The following PTBP1 variants were observed in gnomAD, a reference collection of about 807,000 sequenced individuals.
PTBP1 encodes the protein polypyrimidine tract binding protein 1.
A neutral mutation model predicts 59.8 loss-of-function variants in PTBP1; 8 were observed. That is an observed-to-expected ratio of 0.13 (90% confidence interval 0.08 to 0.24). The LOEUF is 0.24. Ranked by LOEUF, PTBP1 falls within the 10% of genes least tolerant of loss-of-function variation. The pLI is 1.00. For missense variants in PTBP1, 686 were observed against 767.0 expected (o/e 0.89, Z 1.25); for synonymous variants, 490 against 320.7 (o/e 1.53, Z -5.64).
chr19:807,985 G>T (rs115525161), intron 11 of PTBP1, 83 bp downstream of exon 11: 10 of 1,303,774 alleles, frequency 7.7e-6, no homozygotes, highest in Middle Eastern at 1.8e-4. Context: ...ATGAGTTTGC[G>T]GTTTGGCACT....
Position 811,844 on chromosome 19 carries a change from T to A in PTBP1, c.*1018T>A, listed in dbSNP as rs959911207. 1 of 152,446 alleles carries A rather than the reference T, an allele frequency of 6.6e-6. No individual in the cohort carries two copies. Among genetic ancestry groups the A allele is most frequent in the South Asian group, 2.1e-4 (1 of 4,828 alleles). The allele number at this position is 152,446 out of a possible 1,614,324, so 9.4% of individuals were successfully genotyped here. ...GCTCTCAAACTTCAGGGTTTTTTCT[T>A]CCTTCAAATTTTGGACCAAAGTCTC... On this transcript the variant is annotated 3_prime_UTR_variant, in exon 15 of 15. Transcript: ENST00000356948.
chr19:798,661 C>T (rs1261690164), intron 1 of PTBP1: 1 of 152,266 alleles, frequency 6.6e-6, no homozygotes, highest in East Asian at 1.9e-4. Context: ...GCTGCCCTTC[C>T]GACGGACGCT....
chr19:806,942 C>T (rs2034609652), intron 10 of PTBP1: 2 of 176,270 alleles, frequency 1.1e-5, no homozygotes, highest in African/African-American at 4.7e-5. Flanking sequence ...GAGAGCCTGT[C>T]ACTTAACTGG....
intron 1 of PTBP1, among the ~76,000 whole-genome samples, chr19:797,728 C>A (rs1203359322): frequency 6.7e-6 from 1 of 148,538 alleles, no homozygotes; most frequent in Admixed American, 6.7e-5. Flanking sequence ...GCTTCCGGCC[C>A]CCGCGCGCCC....
chr19:798,092 C>T (rs534349483), intron 1 of PTBP1, among the ~76,000 whole-genome samples: 1 of 151,810 alleles, frequency 6.6e-6, no homozygotes, highest in African/African-American at 2.4e-5. Flanking sequence ...GCGCTCCCCG[C>T]CCTACCCCTG....
At chr19:800,724 A>C (rs755289745) in intron 2 of PTBP1, among the ~76,000 whole-genome samples, 13 of 152,200 alleles carry the variant, frequency 8.5e-5, no homozygotes, top group Non-Finnish European at 1.3e-4. Context: ...AGGGAGAGGT[A>C]CTTTCATCTG....
chr19:801,255 G>T (rs903839093), intron 2 of PTBP1, among the ~76,000 whole-genome samples: 1 of 152,222 alleles, frequency 6.6e-6, no homozygotes, highest in Non-Finnish European at 1.5e-5. Context: ...TGTGAAGGCA[G>T]TGGAGGCGCT....
At chr19:801,524 T>TCC (rs2034332931) in intron 2 of PTBP1, among the ~76,000 whole-genome samples, 2 of 152,110 alleles carry the variant, frequency 1.3e-5, no homozygotes, top group Non-Finnish European at 2.9e-5. Context: ...AAAGACAGGG[T>TCC]CCAAGATGCC....
intron 2 of PTBP1, among the ~76,000 whole-genome samples, chr19:802,786 C>T (rs973585964): frequency 3.3e-5 from 5 of 152,286 alleles, no homozygotes; most frequent in Admixed American, 6.5e-5. Flanking sequence ...GGATGTCTGC[C>T]GTCCTGAGCC....
chr19:812,068 G>A lies in PTBP1; in HGVS notation c.*1242G>A, dbSNP rs112450489. On this transcript the variant is annotated 3_prime_UTR_variant, in exon 15 of 15. Transcript: ENST00000356948. ...GTGAGACCCGAGGGGCGGCGGCGCG[G>A]TTTTTTATGGTGACACAAATGTATA... The A allele has an allele frequency of 1.0e-4, 16 of 152,456 alleles. No individual in the cohort carries two copies. Among genetic ancestry groups the A allele is most frequent in the African/African-American group, 3.1e-4 (13 of 41,548 alleles). 9.4% of individuals were successfully genotyped at this position (152,456 alleles called of 1,614,324 possible).
At chr19:799,504 GC>G in intron 2 of PTBP1, 61 bp downstream of exon 2, 1 of 1,557,240 alleles carries the variant, frequency 6.4e-7, no homozygotes, top group Non-Finnish European at 8.9e-7. Context: ...GACCCCGGGG[GC>G]CACCCCCCAG....
chr19:799,202 A>G lies in PTBP1; in HGVS notation c.9-211A>G, dbSNP rs1233266759. 5 of 649,940 alleles carry G rather than the reference A, an allele frequency of 7.7e-6. No homozygotes were observed. The South Asian group carries it at 8.6e-5, about 11-fold the overall frequency. The allele number at this position is 649,940 out of a possible 1,614,324, so 40.3% of individuals were successfully genotyped here. On this transcript the variant is annotated intron_variant, in intron 1 of 14. Coordinates refer to ENST00000356948, the MANE Select transcript of PTBP1 (RefSeq NM_002819.5). ...TGGGAGGGAGGGGCGCCAAAGGACA[A>G]TGGTGGCCCCTTTTCAAGTTGCAGT...
At chr19:802,533 C>T (rs2034379453) in intron 2 of PTBP1, among the ~76,000 whole-genome samples, 3 of 152,166 alleles carry the variant, frequency 2.0e-5, no homozygotes, top group Admixed American at 2.0e-4. Context: ...TGGGGGCAGG[C>T]TCTTGGCCTC....
At chr19:807,837 C>T (rs921791234) in intron 10 of PTBP1, 32 bp from the exon 11 acceptor site, 2 of 1,605,892 alleles carry the variant, frequency 1.2e-6, no homozygotes, top group Admixed American at 1.7e-5. Context: ...TCTCCCCTGT[C>T]CCTCCGCTGC....
chr19:799,058 G>C (rs2034209609), intron 1 of PTBP1, among the ~76,000 whole-genome samples: 1 of 152,260 alleles, frequency 6.6e-6, no homozygotes, highest in Non-Finnish European at 1.5e-5. Context: ...TTACTGGAAA[G>C]CACACAGCAG....
At chr19:806,290 C>G (rs1056171705) in intron 9 of PTBP1, 118 bp from the exon 10 acceptor site, 2 of 1,219,944 alleles carry the variant, frequency 1.6e-6, no homozygotes, top group Non-Finnish European at 2.2e-6. Flanking sequence ...GGGCCAGAGC[C>G]AGGGCCGCCT....
chr19:805,466 A>T, intron 8 of PTBP1, 26 bp from the exon 9 acceptor site: 1 of 1,597,434 alleles, frequency 6.3e-7, no homozygotes, highest in Non-Finnish European at 8.6e-7. Flanking sequence ...TGTGGGTGCG[A>T]TGATTAGTGT....
Position 805,559 on chromosome 19 carries a change from T to C in PTBP1, c.960T>C (p.Pro320=). The part of the protein sequence containing the change: ...GAGFPPTFAI[P]QAAGLSVPNV... ...GTTTCCCTCCCACCTTTGCCATTCC[T>C]CAAGCTGCAGGTATTCAAACGCTTG... The change falls in exon 9 of 15, where the codon CCT becomes CCC. Residue 320 remains proline (P), a synonymous_variant. Coordinates refer to ENST00000356948, the MANE Select transcript of PTBP1 (RefSeq NM_002819.5). The C allele has an allele frequency of 6.2e-7, 1 of 1,613,532 alleles. No homozygotes were observed. The highest frequency in any genetic ancestry group is 2.2e-5 in the East Asian group (1 of 44,880).
In PTBP1 at chr19:810,605, G is replaced by A; in HGVS notation, c.1526G>A (p.Gly509Glu). Reference protein sequence around the residue: ...LFSSNGGVVKGFKFFQKDRKM... With the variant: ...LFSSNGGVVKEFKFFQKDRKM... ...TCCAGCAATGGGGGCGTCGTCAAAG[G>A]ATTCAAGTTCTTCCAGTGAGTATGA... is the stretch of plus-strand genomic sequence containing the variant. Residue 509 changes from glycine to glutamate, a missense_variant, in exon 14 of 15, where the codon GGA becomes GAA. Gly to Glu is a moderately conservative substitution (Grantham distance 98). Transcript: ENST00000356948. The A allele has an allele frequency of 6.2e-7, 1 of 1,613,856 alleles. No homozygotes were observed. Among genetic ancestry groups the A allele is most frequent in the Non-Finnish European group, 8.5e-7 (1 of 1,179,926 alleles).
Sources: gnomAD v4.1 joint callset for allele counts (sites outside exome capture counted in the v4.1 genomes callset) on GRCh38, gnomAD v4.1.1 for gene constraint, MANE v1.5 for transcripts, NCBI Gene and HGNC (gene_info 2026-07-23, HGNC 2026-07-21) for gene names.